The following CTNNBIP1 variants were observed in gnomAD, a reference collection of about 807,000 sequenced individuals.
The protein encoded by CTNNBIP1 is beta-catenin-interacting protein 1.
CTNNBIP1 carries 7 observed loss-of-function variants against 11.8 expected under a neutral mutation model. That is an observed-to-expected ratio of 0.60 (90% confidence interval 0.34 to 1.12). CTNNBIP1 has a LOEUF of 1.12. Ranked by LOEUF, CTNNBIP1 falls within the 50% of genes most tolerant of loss-of-function variation. The probability of loss-of-function intolerance (pLI) is 0.03; values close to 1 mark genes in which losing one functional copy is unlikely to be tolerated. For synonymous variants in CTNNBIP1, 58 were observed against 43.9 expected (o/e 1.32, Z -1.26); for missense variants, 101 against 113.4 (o/e 0.89, Z 0.50).
chr1:9,863,078 G>A (rs1430026824), intron 5 of CTNNBIP1, among the ~76,000 whole-genome samples: 4 of 152,018 alleles, frequency 2.6e-5, no homozygotes, highest in Non-Finnish European at 4.4e-5. Flanking sequence ...CCCTGGAGCC[G>A]CAGCCAGGTG....
chr1:9,876,859 C>T (rs1261416635), intron 3 of CTNNBIP1, among the ~76,000 whole-genome samples: 27 of 150,586 alleles, frequency 1.8e-4, no homozygotes, highest in African/African-American at 6.4e-4. Flanking sequence ...CACACACACA[C>T]ACACACACAC....
At chr1:9,899,455 CAAAAAA>C (rs754593503) in intron 1 of CTNNBIP1, among the ~76,000 whole-genome samples, 11,793 of 65,586 alleles carry the variant, frequency 0.18, 1,823 homozygotes, top group African/African-American at 0.41. Flanking sequence ...GACTCCATCT[CAAAAAA>C]AAAAAAAAAA....
At chr1:9,901,651 G>C (rs1367850215) in intron 1 of CTNNBIP1, among the ~76,000 whole-genome samples, 2 of 152,162 alleles carry the variant, frequency 1.3e-5, no homozygotes, top group Non-Finnish European at 2.9e-5. Context: ...TCTCCATGTG[G>C]GAGAGGATAT....
intron 5 of CTNNBIP1, among the ~76,000 whole-genome samples, chr1:9,860,837 C>A (rs1251895677): frequency 6.6e-6 from 1 of 152,132 alleles, no homozygotes; most frequent in Non-Finnish European, 1.5e-5. Flanking sequence ...GAGCCTTACT[C>A]CTCCTAAAGA....
chr1:9,875,079 C>T (rs1298756379), intron 3 of CTNNBIP1, among the ~76,000 whole-genome samples: 3 of 152,180 alleles, frequency 2.0e-5, no homozygotes, highest in Non-Finnish European at 4.4e-5. Flanking sequence ...GCCAGCGTTG[C>T]TTCCTCCCCA....
rs61785591 is a variant in CTNNBIP1, at chr1:9,871,628, C to T, written c.96+341G>A. On this transcript the variant is annotated intron_variant, in intron 4 of 5. Transcript: ENST00000377263. The surrounding 1 kb of genome is among the most constrained non-coding windows in gnomAD (Gnocchi z 5.2). ...CCCCTGCACATGCATGCCTGCTGCC[C>T]CCTCAGCTCCTGTCCTGACAAGTTG... Among the ~76,000 whole-genome samples, 10,532 of 152,194 alleles carry T rather than the reference C, an allele frequency of 0.069. 1,241 individuals carry two copies. The highest frequency in any genetic ancestry group is 0.24 in the African/African-American group (9,854 of 41,486).
intron 2 of CTNNBIP1, among the ~76,000 whole-genome samples, chr1:9,879,034 A>G (rs1278018432): frequency 6.6e-6 from 1 of 152,106 alleles, no homozygotes; most frequent in Non-Finnish European, 1.5e-5. Flanking sequence ...TGTATCTACT[A>G]AAAATACAAA....
intron 1 of CTNNBIP1, among the ~76,000 whole-genome samples, chr1:9,906,938 G>C (rs1639630985): frequency 6.6e-6 from 1 of 152,198 alleles, no homozygotes; most frequent in Non-Finnish European, 1.5e-5. Context: ...AAAGCTTAGA[G>C]TCACATGTGT....
In CTNNBIP1 at chr1:9,871,731, T is replaced by C. The variant is rs1315254910; in HGVS notation, c.96+238A>G. 6.6e-6 allele frequency among the ~76,000 whole-genome samples: 1 copy of C among 152,146 alleles called. No individual in the cohort carries two copies. Among genetic ancestry groups the C allele is most frequent in the African/African-American group, 2.4e-5 (1 of 41,430 alleles). On this transcript the variant is annotated intron_variant, in intron 4 of 5. Transcript: ENST00000377263. This position sits in a 1 kb window ranked among gnomAD's most constrained non-coding sequence, Gnocchi z 5.2. ...AAGGAAGGTCAGGGCCTTGAGACCC[T>C]CACCCGCCTGGCCCCAATCCGGCAG... is the stretch of plus-strand genomic sequence containing the variant.
At chr1:9,854,139 C>G (rs986723332) in intron 5 of CTNNBIP1, among the ~76,000 whole-genome samples, 16 of 152,188 alleles carry the variant, frequency 1.1e-4, no homozygotes, top group African/African-American at 3.6e-4. Flanking sequence ...CTTTGGGAGG[C>G]AGAGGCAGGT....
intron 1 of CTNNBIP1, among the ~76,000 whole-genome samples, chr1:9,889,040 C>T (rs776998420): frequency 2.6e-5 from 4 of 152,206 alleles, no homozygotes; most frequent in Non-Finnish European, 4.4e-5. Context: ...ACTGGGGCAT[C>T]CTCCTTTCTA....
intron 1 of CTNNBIP1, among the ~76,000 whole-genome samples, chr1:9,901,542 T>C (rs927126325): frequency 4.6e-5 from 7 of 152,052 alleles, no homozygotes; most frequent in Admixed American, 4.6e-4. Flanking sequence ...GACCACAGGA[T>C]TCCAGCAGCA....
chr1:9,881,529 G>A (rs1257598264), intron 2 of CTNNBIP1, among the ~76,000 whole-genome samples: 3 of 151,600 alleles, frequency 2.0e-5, no homozygotes, highest in South Asian at 4.2e-4. Context: ...AAGTAGAGAC[G>A]GATTTCACCA....
chr1:9,882,733 T>C (rs1223906784), intron 2 of CTNNBIP1, among the ~76,000 whole-genome samples: 1 of 151,886 alleles, frequency 6.6e-6, no homozygotes, highest in Non-Finnish European at 1.5e-5. Context: ...AGAGTGGGGC[T>C]GTGGCTGTGG....
At chr1:9,886,639 C>A (rs1392346791) in intron 1 of CTNNBIP1, among the ~76,000 whole-genome samples, 4 of 152,220 alleles carry the variant, frequency 2.6e-5, no homozygotes, top group African/African-American at 9.7e-5. Flanking sequence ...TAGTCCACAT[C>A]GGAGCAGGAT....
chr1:9,874,822 C>T (rs1638931548), intron 3 of CTNNBIP1, among the ~76,000 whole-genome samples: 1 of 152,190 alleles, frequency 6.6e-6, no homozygotes, highest in East Asian at 1.9e-4. Flanking sequence ...AACCCAGTCT[C>T]CCATAACCAA....
At chr1:9,907,122 A>C (rs566280041) in intron 1 of CTNNBIP1, among the ~76,000 whole-genome samples, 1 of 152,304 alleles carries the variant, frequency 6.6e-6, no homozygotes, top group Non-Finnish European at 1.5e-5. Flanking sequence ...CTGACAGCAC[A>C]GATTTGGAGC....
At chr1:9,863,349 T>C (rs1468346904) in intron 5 of CTNNBIP1, among the ~76,000 whole-genome samples, 1 of 152,252 alleles carries the variant, frequency 6.6e-6, no homozygotes, top group Non-Finnish European at 1.5e-5. Context: ...AAAGATTAGC[T>C]TCCCATCTCA....
intron 1 of CTNNBIP1, chr1:9,893,095 G>A (rs1229764675): frequency 1.3e-5 from 2 of 152,250 alleles, no homozygotes; most frequent in African/African-American, 4.8e-5. Flanking sequence ...AGCTGGAGCT[G>A]AAGGGAAGGA....
Sources: gnomAD v4.1 joint callset for allele counts (sites outside exome capture counted in the v4.1 genomes callset) on GRCh38, gnomAD v4.1.1 for gene constraint, Gnocchi (gnomAD v3.1) non-coding constraint, MANE v1.5 for transcripts, NCBI Gene and HGNC (gene_info 2026-07-23, HGNC 2026-07-21) for gene names.